The following ITGB5 variants were observed in gnomAD, a reference collection of about 807,000 sequenced individuals.
ITGB5 encodes the protein integrin beta-5.
A neutral mutation model predicts 84.8 loss-of-function variants in ITGB5; 38 were observed. That is an observed-to-expected ratio of 0.45 (90% CI 0.35 to 0.59). ITGB5 has a LOEUF of 0.59. ITGB5 is among the 20% of genes least tolerant of loss of function. The pLI, the probability that ITGB5 is intolerant of heterozygous loss-of-function variation, is 0.01. For synonymous variants in ITGB5, 393 were observed against 414.4 expected (o/e 0.95, Z 0.63); for missense variants, 905 against 1,034.5 (o/e 0.87, Z 1.72).
chr3:124,885,582 A>G (rs1934765609), intron 1 of ITGB5, among the ~76,000 whole-genome samples: 1 of 152,220 alleles, frequency 6.6e-6, no homozygotes, highest in Non-Finnish European at 1.5e-5. Context: ...ACTAAAGGAA[A>G]GTCCTTGTGG....
chr3:124,799,684 C>T (rs112822674), intron 9 of ITGB5, among the ~76,000 whole-genome samples: 3,692 of 152,276 alleles, frequency 0.024, 69 homozygotes, highest in Middle Eastern at 0.065. Flanking sequence ...AGGAAGTGTC[C>T]TCATTTTACC....
intron 1 of ITGB5, among the ~76,000 whole-genome samples, chr3:124,897,839 G>C (rs1292199390): frequency 2.0e-5 from 3 of 152,148 alleles, no homozygotes; most frequent in Non-Finnish European, 2.9e-5. Flanking sequence ...ACAGACTAGA[G>C]AGCTGTTCAC....
intron 1 of ITGB5, among the ~76,000 whole-genome samples, chr3:124,876,594 G>C (rs1159319912): frequency 6.6e-6 from 1 of 152,184 alleles, no homozygotes; most frequent in African/African-American, 2.4e-5. Flanking sequence ...TAGTAGCTGG[G>C]ACCAGAGGGA....
intron 10 of ITGB5, chr3:124,792,676 T>A (rs904285883): frequency 6.6e-6 from 1 of 152,220 alleles, no homozygotes; most frequent in African/African-American, 2.4e-5. Flanking sequence ...ACTTTAGGCA[T>A]CGTTGATCTA....
chr3:124,776,582 G>A (rs997535229), intron 10 of ITGB5, among the ~76,000 whole-genome samples: 14 of 152,190 alleles, frequency 9.2e-5, no homozygotes, highest in African/African-American at 3.4e-4. Flanking sequence ...CCATCAACCC[G>A]TATTTTTAAA....
chr3:124,811,549 C>A (rs181508923), intron 8 of ITGB5, among the ~76,000 whole-genome samples: 29 of 152,224 alleles, frequency 1.9e-4, no homozygotes, highest in South Asian at 4.2e-4. Context: ...TGCTCCCCAG[C>A]AAGATCTGCC....
At chr3:124,884,820 G>T (rs532771398) in intron 1 of ITGB5, among the ~76,000 whole-genome samples, 1 of 152,146 alleles carries the variant, frequency 6.6e-6, no homozygotes, top group Non-Finnish European at 1.5e-5. Flanking sequence ...TGGACCAAAA[G>T]CCATGGTCCC....
In ITGB5 at chr3:124,809,012, T is replaced by C. The variant is rs112410311; in HGVS notation, c.1263+10A>G. On this transcript the variant is annotated intron_variant, in intron 9 of 14. Transcript: ENST00000296181. ...AACAAGAGTTCATACAAACTTGGGG[T>C]GAGACTTACCGTGTCCCCAATCTTC... 1.9e-6 allele frequency: 3 copies of C among 1,613,230 alleles called. No homozygotes were observed. The South Asian group carries it at 3.3e-5, about 18-fold the overall frequency.
At chr3:124,805,769 C>T (rs2064392626) in intron 9 of ITGB5, among the ~76,000 whole-genome samples, 1 of 151,254 alleles carries the variant, frequency 6.6e-6, no homozygotes, top group African/African-American at 2.4e-5. Flanking sequence ...TTTTTTTAAT[C>T]ACTGTTTATT....
intron 10 of ITGB5, among the ~76,000 whole-genome samples, chr3:124,776,559 CCT>C (rs2063929523): frequency 6.6e-6 from 1 of 152,230 alleles, no homozygotes; most frequent in South Asian, 2.1e-4. Context: ...TATCTATCCA[CCT>C]GTCTGCCCTT....
Position 124,773,930 on chromosome 3 carries a change from G to A in ITGB5, c.1694-18C>T. ...GCCATGGCCTAAAAGGATACATGTG[G>A]CACATCAGCACCTGCTCACCTTTAC... On this transcript the variant is annotated intron_variant, in intron 10 of 14. Coordinates refer to ENST00000296181, the MANE Select transcript of ITGB5 (RefSeq NM_002213.5). 4.4e-6 allele frequency: 7 copies of A among 1,608,296 alleles called. No homozygotes were observed. The highest frequency in any genetic ancestry group is 6.0e-6 in the Non-Finnish European group (7 of 1,175,056).
intron 2 of ITGB5, among the ~76,000 whole-genome samples, chr3:124,861,274 A>G (rs991203619): frequency 1.3e-5 from 2 of 151,970 alleles, no homozygotes; most frequent in Admixed American, 6.6e-5. Flanking sequence ...CATCAAAGGT[A>G]TAAGTGGCTC....
At chr3:124,783,450 A>G (rs1012298571) in intron 10 of ITGB5, among the ~76,000 whole-genome samples, 1 of 152,154 alleles carries the variant, frequency 6.6e-6, no homozygotes, top group Non-Finnish European at 1.5e-5. Context: ...TCATTAGCCT[A>G]CAAACCCACA....
intron 2 of ITGB5, among the ~76,000 whole-genome samples, chr3:124,864,554 C>T (rs1038393651): frequency 5.9e-5 from 9 of 152,106 alleles, no homozygotes; most frequent in African/African-American, 1.9e-4. Context: ...ACTACGTTTT[C>T]CCTTATCAGT....
intron 2 of ITGB5, among the ~76,000 whole-genome samples, chr3:124,869,956 A>T (rs1235555077): frequency 6.6e-6 from 1 of 152,238 alleles, no homozygotes; most frequent in Non-Finnish European, 1.5e-5. Flanking sequence ...AGTGGCAGCC[A>T]TTCAGGAGGC....
At chr3:124,782,629 G>A (rs1283862457) in intron 10 of ITGB5, among the ~76,000 whole-genome samples, 2 of 152,144 alleles carry the variant, frequency 1.3e-5, no homozygotes, top group South Asian at 2.1e-4. Context: ...AGGCCGAGGC[G>A]GGAGAATCAC....
rs1031810710 is a variant in ITGB5, at chr3:124,766,467, T to A, written c.2018-122A>T. 18 of 1,168,924 alleles carry A rather than the reference T, an allele frequency of 1.5e-5. No individual in the cohort carries two copies. In the South Asian group the frequency reaches 2.3e-4, roughly 15 times the overall value. 72.4% of individuals were successfully genotyped at this position (1,168,924 alleles called of 1,614,324 possible). ...GGGCATGGGGGGTGTGGGCAGAAAA[T>A]CTTAAGGGGAGGCTGGGCCTTTGAA... On this transcript the variant is annotated intron_variant, in intron 12 of 14. Transcript: ENST00000296181.
At chr3:124,852,134 C>G (rs189911466) in intron 3 of ITGB5, among the ~76,000 whole-genome samples, 1 of 152,144 alleles carries the variant, frequency 6.6e-6, no homozygotes, top group African/African-American at 2.4e-5. Flanking sequence ...CGCCACCTCC[C>G]GCTGCCCGGC....
At chr3:124,814,144 T>C (rs2064548428) in intron 8 of ITGB5, among the ~76,000 whole-genome samples, 1 of 152,096 alleles carries the variant, frequency 6.6e-6, no homozygotes, top group African/African-American at 2.4e-5. Context: ...TATATATATA[T>C]CTTATCGTAC....
Sources: gnomAD v4.1 joint callset for allele counts (sites outside exome capture counted in the v4.1 genomes callset) on GRCh38, gnomAD v4.1.1 for gene constraint, MANE v1.5 for transcripts, NCBI Gene and HGNC (gene_info 2026-07-23, HGNC 2026-07-21) for gene names.